GLYR1: variants seen among roughly 807,000 people sequenced by gnomAD.
GLYR1 encodes the protein cytokine-like nuclear factor N-PAC.
A neutral mutation model predicts 72.7 loss-of-function variants in GLYR1; 21 were observed. The ratio of observed to expected loss-of-function variants is 0.29; its 90% CI spans 0.20 to 0.42. The LOEUF (loss-of-function observed/expected upper bound fraction) is 0.42. Ranked by LOEUF, GLYR1 falls within the 10% of genes least tolerant of loss-of-function variation. GLYR1 has a pLI of 1.00. For synonymous variants in GLYR1, 392 were observed against 270.2 expected (o/e 1.45, Z -4.42); for missense variants, 594 against 712.1 (o/e 0.83, Z 1.89).
chr16:4,804,496 G>C lies in GLYR1; in HGVS notation c.*740C>G, dbSNP rs929215364. ...GGCATCTGGGGCATGGCTTCGAGGCGGTGAGGGCCGGGCCTCCATGCTCAC... is the reference window on the plus strand; with the variant it reads ...GGCATCTGGGGCATGGCTTCGAGGCCGTGAGGGCCGGGCCTCCATGCTCAC... On this transcript the variant is annotated 3_prime_UTR_variant, in exon 16 of 16. Coordinates refer to ENST00000321919, the MANE Select transcript of GLYR1 (RefSeq NM_032569.4). 12 of 152,990 alleles carry C rather than the reference G, an allele frequency of 7.8e-5. No homozygotes were observed. The highest frequency in any genetic ancestry group is 2.9e-4 in the African/African-American group (12 of 41,462). 9.5% of individuals were successfully genotyped at this position (152,990 alleles called of 1,614,324 possible).
intron 3 of GLYR1, among the ~76,000 whole-genome samples, chr16:4,842,429 A>G (rs745520355): frequency 5.3e-5 from 8 of 151,870 alleles, no homozygotes; most frequent in Non-Finnish European, 1.2e-4. Context: ...GGCTCACTGC[A>G]GTTTTGACCT....
chr16:4,807,023 G>A (rs1445089492), intron 15 of GLYR1, among the ~76,000 whole-genome samples: 1 of 150,852 alleles, frequency 6.6e-6, no homozygotes, highest in East Asian at 2.0e-4. Context: ...AGCCAGGATG[G>A]TCTTGATCTC....
intron 10 of GLYR1, 138 bp from the exon 11 acceptor site, chr16:4,814,785 A>T (rs2083532920): frequency 1.5e-6 from 1 of 658,352 alleles, no homozygotes; most frequent in Admixed American, 2.7e-5. Flanking sequence ...GGTCATGGAG[A>T]TAGGAGCCCA....
At chr16:4,841,034 T>C (rs2085508728) in intron 3 of GLYR1, among the ~76,000 whole-genome samples, 1 of 152,208 alleles carries the variant, frequency 6.6e-6, no homozygotes, top group Admixed American at 6.5e-5. Flanking sequence ...ATTTTTATAG[T>C]TTAAAATGTA....
intron 5 of GLYR1, among the ~76,000 whole-genome samples, chr16:4,826,249 A>C (rs1398985933): frequency 6.6e-6 from 1 of 152,006 alleles, no homozygotes; most frequent in African/African-American, 2.4e-5. Context: ...TGTATTATTT[A>C]TTTGCAATTA....
Position 4,832,780 on chromosome 16 carries a change from T to C in GLYR1, c.288A>G (p.Lys96=), listed in dbSNP as rs772544930. ...TGAACATTGTGTCTCTCACCTGGTC[T>C]TTCCCTTTGGCTCTCCTGAGGAACT... ...VEEFLRRAKG[K]DQTSSHNSSD... is the part of the protein sequence containing the mutation. Residue 96 remains lysine (K), a synonymous_variant, in exon 4 of 16, where the codon AAA becomes AAG. Coordinates refer to ENST00000321919, the MANE Select transcript of GLYR1 (RefSeq NM_032569.4). 78 of 1,608,844 alleles carry C rather than the reference T, an allele frequency of 4.8e-5. No homozygotes were observed. Among genetic ancestry groups the C allele is most frequent in the Middle Eastern group, 1.6e-4 (1 of 6,072 alleles).
intron 3 of GLYR1, among the ~76,000 whole-genome samples, chr16:4,844,701 C>A (rs879633008): frequency 6.6e-6 from 1 of 152,154 alleles, no homozygotes; most frequent in South Asian, 2.1e-4. Context: ...GCAGAGGTTG[C>A]GGTGAACTGA....
chr16:4,805,482 C>T (rs1264485208), intron 15 of GLYR1, among the ~76,000 whole-genome samples, 172 bp from the exon 16 acceptor site: 3 of 152,216 alleles, frequency 2.0e-5, no homozygotes, highest in Non-Finnish European at 4.4e-5. Context: ...CTCTGGACCT[C>T]AGCCACTGTG....
At chr16:4,828,364 C>T (rs570441704) in intron 5 of GLYR1, among the ~76,000 whole-genome samples, 11 of 152,104 alleles carry the variant, frequency 7.2e-5, no homozygotes, top group East Asian at 5.8e-4. Context: ...CCACCGCGCC[C>T]GGCAAAGGTA....
At chr16:4,838,639 T>A (rs1040986456) in intron 3 of GLYR1, among the ~76,000 whole-genome samples, 19 of 151,492 alleles carry the variant, frequency 1.3e-4, no homozygotes, top group Middle Eastern at 3.4e-3. Flanking sequence ...CAGGCTGGAG[T>A]GCAGTGGCGC....
intron 3 of GLYR1, among the ~76,000 whole-genome samples, chr16:4,833,708 A>G (rs1306692934): frequency 6.6e-6 from 1 of 152,192 alleles, no homozygotes. Flanking sequence ...CACCTCCGAT[A>G]TGTAATTTTT....
At chr16:4,843,870 T>TG (rs552114095) in intron 3 of GLYR1, 26,232 of 94,712 alleles carry the variant, frequency 0.28, 2,291 homozygotes, top group Admixed American at 0.35. Context: ...CTGAGGGGGT[T>TG]GGGGGGGGGA....
At chr16:4,826,874 G>A (rs2084413887) in intron 5 of GLYR1, among the ~76,000 whole-genome samples, 1 of 152,234 alleles carries the variant, frequency 6.6e-6, no homozygotes, top group South Asian at 2.1e-4. Flanking sequence ...AGGCCACAAT[G>A]ACCCAATGGA....
intron 5 of GLYR1, among the ~76,000 whole-genome samples, chr16:4,830,503 C>T (rs1193790374): frequency 6.6e-6 from 1 of 152,180 alleles, no homozygotes; most frequent in East Asian, 1.9e-4. Context: ...GGGTGCCTGG[C>T]ACCCGTGCCA....
At position 4,805,144 on chromosome 16, in the gene GLYR1, T is replaced by C; in HGVS notation, c.*92A>G. 1.0e-6 allele frequency: 1 copy of C among 993,938 alleles called. No homozygotes were observed. The highest frequency in any genetic ancestry group is 1.6e-6 in the Non-Finnish European group (1 of 627,608). The allele number at this position is 993,938 out of a possible 1,614,324, so 61.6% of individuals were successfully genotyped here. A position where few individuals can be genotyped will look rare whatever the true frequency, so the allele number is the denominator to read the frequency against. On this transcript the variant is annotated 3_prime_UTR_variant, in exon 16 of 16. Transcript: ENST00000321919. ...TAAAAGGAAATGGAGATAGGTGGGC[T>C]GGTCCAGAATGAACTCCCAGGCCCC...
chr16:4,844,650 A>T (rs1006578203), intron 3 of GLYR1, among the ~76,000 whole-genome samples: 3 of 152,142 alleles, frequency 2.0e-5, no homozygotes, highest in Admixed American at 2.0e-4. Flanking sequence ...GGTCCCAGCT[A>T]CTCGGGAGGC....
At chr16:4,827,718 A>C (rs1374762565) in intron 5 of GLYR1, among the ~76,000 whole-genome samples, 2 of 152,030 alleles carry the variant, frequency 1.3e-5, no homozygotes, top group Non-Finnish European at 2.9e-5. Flanking sequence ...GGCTAACATG[A>C]TGAAACCCCG....
chr16:4,847,033 C>T (rs550571098), intron 1 of GLYR1, 195 bp downstream of exon 1: 2 of 572,518 alleles, frequency 3.5e-6, no homozygotes, highest in Admixed American at 3.3e-5. Context: ...CCCGACGTGG[C>T]CACCCTCGGC....
At chr16:4,824,241 G>A (rs1174282537) in intron 5 of GLYR1, among the ~76,000 whole-genome samples, 2 of 152,116 alleles carry the variant, frequency 1.3e-5, no homozygotes, top group African/African-American at 4.8e-5. Flanking sequence ...GTGGCTGGGC[G>A]TGGTGGCTCA....
Sources: allele counts gnomAD v4.1 joint callset (sites outside exome capture counted in the v4.1 genomes callset), GRCh38; gene constraint gnomAD v4.1.1; transcripts MANE v1.5; gene names NCBI Gene and HGNC (gene_info 2026-07-23, HGNC 2026-07-21).